NECTIN2: variants seen among roughly 807,000 people sequenced by gnomAD.
NECTIN2 encodes nectin cell adhesion molecule 2.
A neutral mutation model predicts 56.9 loss-of-function variants in NECTIN2; 23 were observed. The ratio of observed to expected loss-of-function variants is 0.40; its 90% CI spans 0.29 to 0.57. The LOEUF (loss-of-function observed/expected upper bound fraction) is 0.57, where lower values mean the gene tolerates loss of function less well. Among genes scored for constraint, NECTIN2 ranks in the 20% least tolerant of loss-of-function variants. NECTIN2 has a pLI of 0.38. For missense variants in NECTIN2, 587 were observed against 718.3 expected (o/e 0.82, Z 2.09); for synonymous variants, 302 against 313.8 (o/e 0.96, Z 0.40).
At position 44,864,012 on chromosome 19, in the gene NECTIN2, T is replaced by TTCC. The variant is rs33951304; in HGVS notation, c.89-1259_89-1258insTCC. On this transcript the variant is annotated intron_variant, in intron 1 of 8. Coordinates refer to ENST00000252483, the MANE Select transcript of NECTIN2 (RefSeq NM_001042724.2). Reference sequence around the variant, plus strand: ...TTTTATTGATTTATTTTCAGAGGATTCCCCCCCCCCAAAAAAAAATCTTAT... The same window carrying TTCC: ...TTTTATTGATTTATTTTCAGAGGATTTCCCCCCCCCCCCAAAAAAAAATCTTAT... 9.8e-3 allele frequency among the ~76,000 whole-genome samples: 1,434 copies of TTCC among 146,606 alleles called. 24 individuals carry two copies. Among genetic ancestry groups the TTCC allele is most frequent in the African/African-American group, 0.028 (1,139 of 40,106 alleles).
At chr19:44,886,994 C>T (rs1969368252) in intron 8 of NECTIN2, among the ~76,000 whole-genome samples, 2 of 148,972 alleles carry the variant, frequency 1.3e-5, no homozygotes, top group South Asian at 4.2e-4. Flanking sequence ...CCAGCCTGGG[C>T]ATCAGGGTGA....
chr19:44,848,510 C>T (rs1968862993), intron 1 of NECTIN2, among the ~76,000 whole-genome samples: 1 of 152,126 alleles, frequency 6.6e-6, no homozygotes, highest in Non-Finnish European at 1.5e-5. Flanking sequence ...AATCCTTTCC[C>T]TGCGGACCAT....
intron 1 of NECTIN2, among the ~76,000 whole-genome samples, chr19:44,859,367 T>A (rs1969005849): frequency 6.6e-6 from 1 of 152,094 alleles, no homozygotes; most frequent in Non-Finnish European, 1.5e-5. Context: ...ATTATTAACC[T>A]CACATCACAG....
Position 44,865,482 on chromosome 19 carries a change from C to T in NECTIN2, c.300C>T (p.Ser100=), listed in dbSNP as rs771297349. 3 of 1,611,420 alleles carry T rather than the reference C, an allele frequency of 1.9e-6. No homozygotes were observed. The highest frequency in any genetic ancestry group is 8.5e-7 in the Non-Finnish European group (1 of 1,178,980). The part of the protein sequence containing the change: ...GPSFPSPKPG[S]ERLSFVSAKQ... ...GCTTCCCCAGCCCGAAGCCTGGCAG[C>T]GAGCGGCTGTCCTTCGTCTCTGCCA... The change falls in exon 2 of 9, where the codon AGC becomes AGT. Residue 100 remains serine, a synonymous_variant. Coordinates refer to ENST00000252483, the MANE Select transcript of NECTIN2 (RefSeq NM_001042724.2). This position sits in a 1 kb window ranked among gnomAD's most constrained non-coding sequence, Gnocchi z 5.2.
chr19:44,859,177 G>A (rs1247055585), intron 1 of NECTIN2, among the ~76,000 whole-genome samples: 2 of 152,144 alleles, frequency 1.3e-5, no homozygotes, highest in South Asian at 2.1e-4. Flanking sequence ...GTTGGCCCTC[G>A]AAATGAGGCT....
At position 44,846,591 on chromosome 19, in the gene NECTIN2, G is replaced by C; in HGVS notation, c.66G>C (p.Leu22=). ...SPPTPLLWPL[L]LLLLLETGAQ... The stretch of plus-strand genomic sequence containing the variant: ...CGACGCCGCTGCTGTGGCCGCTGCT[G>C]CTGCTGCTGCTCCTGGAAACCGGTG... Residue 22 remains leucine (L), a synonymous_variant, in exon 1 of 9, where the codon CTG becomes CTC. Coordinates refer to ENST00000252483, the MANE Select transcript of NECTIN2 (RefSeq NM_001042724.2). 6.6e-7 allele frequency: 1 copy of C among 1,525,640 alleles called. No individual in the cohort carries two copies. The allele number at this position is 1,525,640 out of a possible 1,614,324, so 94.5% of individuals were successfully genotyped here.
At chr19:44,847,828 G>A (rs1968854575) in intron 1 of NECTIN2, among the ~76,000 whole-genome samples, 1 of 152,136 alleles carries the variant, frequency 6.6e-6, no homozygotes, top group African/African-American at 2.4e-5. Flanking sequence ...GGAGGTGGAC[G>A]AGTGGAGCCG....
intron 3 of NECTIN2, 118 bp downstream of exon 3, chr19:44,872,267 C>T: frequency 9.6e-7 from 1 of 1,041,660 alleles, no homozygotes; most frequent in Non-Finnish European, 1.4e-6. Context: ...CCAAATTCTG[C>T]ACTACCTTCC....
chr19:44,862,402 G>A (rs1969042304), intron 1 of NECTIN2, among the ~76,000 whole-genome samples: 1 of 149,298 alleles, frequency 6.7e-6, no homozygotes, highest in African/African-American at 2.5e-5. Context: ...GCAAAAGAGT[G>A]AGACTCCGTC....
At position 44,882,366 on chromosome 19, in the gene NECTIN2, TA is replaced by T; in HGVS notation, c.1196+4del. On this transcript the variant is annotated splice_donor_region_variant and intron_variant, in intron 6 of 8. Coordinates refer to ENST00000252483, the MANE Select transcript of NECTIN2 (RefSeq NM_001042724.2). ...GCAGGGGGCAGAGGAGGACGAAGAG[TA>T]AGTGATGGGCCCTGAGACGGGGATG... 7.0e-7 allele frequency: 1 copy of T among 1,419,366 alleles called. No homozygotes were observed. Among genetic ancestry groups the T allele is most frequent in the Non-Finnish European group, 9.3e-7 (1 of 1,073,478 alleles). 87.9% of individuals were successfully genotyped at this position (1,419,366 alleles called of 1,614,324 possible). A position where few individuals can be genotyped will look rare whatever the true frequency, so the allele number is the denominator to read the frequency against.
chr19:44,858,845 G>A (rs1274147790), intron 1 of NECTIN2, among the ~76,000 whole-genome samples: 3 of 150,666 alleles, frequency 2.0e-5, no homozygotes, highest in Non-Finnish European at 3.0e-5. Flanking sequence ...GTTTTGCCAT[G>A]TTGGCCAGTC....
chr19:44,882,690 C>CA (rs35741405), intron 6 of NECTIN2, among the ~76,000 whole-genome samples: 1,567 of 38,310 alleles, frequency 0.041, 69 homozygotes, highest in Admixed American at 0.095. Flanking sequence ...CCCCCATCTA[C>CA]AAAAAAAAAA....
At chr19:44,868,070 A>G (rs1369493010) in intron 2 of NECTIN2, among the ~76,000 whole-genome samples, 1 of 152,028 alleles carries the variant, frequency 6.6e-6, no homozygotes, top group Non-Finnish European at 1.5e-5. Flanking sequence ...AGGATCAGAG[A>G]GGAGTCCCAG....
At chr19:44,851,818 TG>T (rs1433137545) in intron 1 of NECTIN2, among the ~76,000 whole-genome samples, 5 of 152,210 alleles carry the variant, frequency 3.3e-5, no homozygotes. Flanking sequence ...TGCTGGATGA[TG>T]GGGGCTCACT....
intron 1 of NECTIN2, among the ~76,000 whole-genome samples, chr19:44,858,518 T>C (rs2122644633): frequency 6.6e-6 from 1 of 152,064 alleles, no homozygotes; most frequent in South Asian, 2.1e-4. Flanking sequence ...AGACGGGGTT[T>C]CACCATATTG....
At chr19:44,868,467 T>C (rs1338949471) in intron 2 of NECTIN2, among the ~76,000 whole-genome samples, 2 of 66,572 alleles carry the variant, frequency 3.0e-5, no homozygotes, top group Non-Finnish European at 5.5e-5. Context: ...TTCCTTTTTC[T>C]TTTTTTTTTT....
At chr19:44,867,020 A>AT (rs201927139) in intron 2 of NECTIN2, among the ~76,000 whole-genome samples, 7 of 151,444 alleles carry the variant, frequency 4.6e-5, no homozygotes, top group African/African-American at 1.2e-4. Context: ...TGACAAAAAA[A>AT]ATTTTTTTTT....
At position 44,878,818 on chromosome 19, in the gene NECTIN2, C is replaced by T. The variant is rs146156078; in HGVS notation, c.1043-3393C>T. On this transcript the variant is annotated intron_variant, in intron 5 of 8. Coordinates refer to ENST00000252483, the MANE Select transcript of NECTIN2 (RefSeq NM_001042724.2). ...CCCGTCTCTAGGGCTGCATGGGGAG[C>T]CCGGGGAGCTGAGTAGTGGGGATCC... 6.9e-4 allele frequency: 948 copies of T among 1,383,844 alleles called. 9 individuals are homozygous for T. The African/African-American group carries it at 0.013, about 19-fold the overall frequency. 85.7% of individuals were successfully genotyped at this position (1,383,844 alleles called of 1,614,324 possible).
chr19:44,855,837 C>G (rs1397998870), intron 1 of NECTIN2, among the ~76,000 whole-genome samples: 1 of 152,156 alleles, frequency 6.6e-6, no homozygotes, highest in Non-Finnish European at 1.5e-5. Context: ...ACAGACAAAC[C>G]TCAGGGCTGG....
Sources: allele counts gnomAD v4.1 joint callset (sites outside exome capture counted in the v4.1 genomes callset), GRCh38; gene constraint gnomAD v4.1.1; non-coding constraint Gnocchi (gnomAD v3.1); transcripts MANE v1.5; gene names NCBI Gene and HGNC (gene_info 2026-07-23, HGNC 2026-07-21).